The following CAMK2D variants were observed in gnomAD, a reference collection of about 807,000 sequenced individuals.
CAMK2D encodes calcium/calmodulin-dependent protein kinase type II subunit delta.
A neutral mutation model predicts 84.0 loss-of-function variants in CAMK2D; 37 were observed. That is an observed-to-expected ratio of 0.44 (90% CI 0.34 to 0.58). The LOEUF (loss-of-function observed/expected upper bound fraction) is 0.58, where lower values mean the gene tolerates loss of function less well. Among genes scored for constraint, CAMK2D ranks in the 20% least tolerant of loss-of-function variants. CAMK2D has a pLI of 0.02. For missense variants in CAMK2D, 448 were observed against 652.5 expected (o/e 0.69, Z 3.41); for synonymous variants, 202 against 212.5 (o/e 0.95, Z 0.43).
chr4:113,665,513 G>A (rs1053220152), intron 2 of CAMK2D, among the ~76,000 whole-genome samples: 1 of 152,098 alleles, frequency 6.6e-6, no homozygotes, highest in Non-Finnish European at 1.5e-5. Flanking sequence ...AACTACATAT[G>A]CTACCTCATC....
At chr4:113,523,401 A>T (rs532351052) in intron 8 of CAMK2D, among the ~76,000 whole-genome samples, 28 of 151,456 alleles carry the variant, frequency 1.8e-4, no homozygotes, top group African/African-American at 6.8e-4. Flanking sequence ...TTTTTTTTTT[A>T]AATTATGCTA....
intron 5 of CAMK2D, 128 bp from the exon 6 acceptor site, chr4:113,547,844 C>A: frequency 2.0e-6 from 1 of 493,292 alleles, no homozygotes; most frequent in South Asian, 3.6e-5. Context: ...CACCTTCAGT[C>A]ATGTAAACAT....
chr4:113,684,153 C>G (rs2154336752), intron 2 of CAMK2D, among the ~76,000 whole-genome samples: 1 of 152,238 alleles, frequency 6.6e-6, no homozygotes, highest in East Asian at 1.9e-4. Context: ...CTGTGGAGTA[C>G]ACAATGGAAC....
intron 5 of CAMK2D, chr4:113,548,726 A>G (rs1480030807): frequency 6.5e-7 from 1 of 1,545,286 alleles, no homozygotes. Context: ...GCTGTATACA[A>G]TGACTGCAAA....
At chr4:113,508,341 G>A in intron 13 of CAMK2D, 1 of 1,093,504 alleles carries the variant, frequency 9.1e-7, no homozygotes, top group Non-Finnish European at 1.4e-6. Flanking sequence ...ATCAAAGCAT[G>A]GAGTATAGAA....
chr4:113,692,693 CATAT>C (rs904029946), intron 2 of CAMK2D, among the ~76,000 whole-genome samples: 2 of 151,786 alleles, frequency 1.3e-5, no homozygotes, highest in African/African-American at 4.8e-5. Flanking sequence ...TACATACATA[CATAT>C]ATTCATACAT....
At chr4:113,708,915 T>A (rs2099474575) in intron 2 of CAMK2D, among the ~76,000 whole-genome samples, 1 of 152,058 alleles carries the variant, frequency 6.6e-6, no homozygotes, top group African/African-American at 2.4e-5. Context: ...AGAGATAAAG[T>A]TTCACCATGT....
In CAMK2D at chr4:113,521,388, C is replaced by T. The variant is rs561594906; in HGVS notation, c.602-3731G>A. On this transcript the variant is annotated intron_variant, in intron 8 of 20. Coordinates refer to ENST00000511664, the MANE Select transcript of CAMK2D (RefSeq NM_001321571.2). The stretch of plus-strand genomic sequence containing the variant: ...ATCTGTTAATATAAACTCTGTGGTC[C>T]TTAATAGTTTTTCTTTGTGGTATGA... Among the ~76,000 whole-genome samples, 10 of 152,226 alleles carry T rather than the reference C, an allele frequency of 6.6e-5. No homozygotes were observed. The South Asian group carries it at 2.1e-3, about 32-fold the overall frequency.
intron 7 of CAMK2D, among the ~76,000 whole-genome samples, chr4:113,535,340 T>C (rs1459215204): frequency 2.6e-5 from 4 of 152,146 alleles, no homozygotes; most frequent in Non-Finnish European, 4.4e-5. Flanking sequence ...GGAACTTGCT[T>C]GCTCCTACAC....
chr4:113,567,522 A>G (rs1050997785), intron 4 of CAMK2D, among the ~76,000 whole-genome samples: 3 of 152,200 alleles, frequency 2.0e-5, no homozygotes, highest in African/African-American at 7.2e-5. Flanking sequence ...GGGAAATCTT[A>G]GATCCCCACA....
At position 113,541,149 on chromosome 4, in the gene CAMK2D, T is replaced by C. The variant is rs114632896; in HGVS notation, c.415-3706A>G. Among the ~76,000 whole-genome samples the C allele has an allele frequency of 7.0e-3, 1,070 of 152,322 alleles. 14 individuals carry two copies. Among genetic ancestry groups the C allele is most frequent in the African/African-American group, 0.025 (1,030 of 41,574 alleles). On this transcript the variant is annotated intron_variant, in intron 6 of 20. Transcript: ENST00000511664. The stretch of plus-strand genomic sequence containing the variant: ...GACTCAAAGTACATAGGCAGGTTGA[T>C]GGAATCACTTTCAGAACTGGAAGAG...
Position 113,519,516 on chromosome 4 carries a change from G to C in CAMK2D, c.602-1859C>G, listed in dbSNP as rs78741376. On this transcript the variant is annotated intron_variant, in intron 8 of 20. Coordinates refer to ENST00000511664, the MANE Select transcript of CAMK2D (RefSeq NM_001321571.2). ...TAAAAAAAACACTTTTAGGCCCAAA[G>C]ACTTAAAAAAAAAACATATTATAGG... Among the ~76,000 whole-genome samples the C allele has an allele frequency of 2.2e-3, 335 of 150,332 alleles. 1 individual carries two copies. Among genetic ancestry groups the C allele is most frequent in the Non-Finnish European group, 3.6e-3 (241 of 67,750 alleles).
At chr4:113,465,203 T>C (rs974326635) in intron 17 of CAMK2D, among the ~76,000 whole-genome samples, 1 of 152,080 alleles carries the variant, frequency 6.6e-6, no homozygotes, top group Non-Finnish European at 1.5e-5. Flanking sequence ...TGACTAATTT[T>C]TAAACTTTTT....
chr4:113,481,777 C>A (rs962539097), intron 16 of CAMK2D, among the ~76,000 whole-genome samples: 30 of 152,166 alleles, frequency 2.0e-4, no homozygotes, highest in Admixed American at 5.2e-4. Context: ...CATGCCCAGT[C>A]TGGAGGGATG....
intron 4 of CAMK2D, among the ~76,000 whole-genome samples, 155 bp downstream of exon 4, chr4:113,608,997 T>C (rs2098988662): frequency 6.6e-6 from 1 of 152,198 alleles, no homozygotes; most frequent in South Asian, 2.1e-4. Flanking sequence ...TGCTGAGTAG[T>C]ATCCTCTTTT....
At chr4:113,666,957 A>G (rs1197558878) in intron 2 of CAMK2D, among the ~76,000 whole-genome samples, 5 of 152,138 alleles carry the variant, frequency 3.3e-5, no homozygotes, top group African/African-American at 1.2e-4. Context: ...TTTTGAGGGC[A>G]GGTTAATTTT....
intron 4 of CAMK2D, among the ~76,000 whole-genome samples, chr4:113,604,319 T>A (rs2098968510): frequency 6.6e-6 from 1 of 152,222 alleles, no homozygotes; most frequent in East Asian, 1.9e-4. Flanking sequence ...TACTTTTCCT[T>A]TTCATAGATT....
Position 113,761,713 on chromosome 4 carries a change from C to T in CAMK2D, c.-645G>A, listed in dbSNP as rs2099641748. 1.1e-6 allele frequency: 1 copy of T among 930,426 alleles called. No individual in the cohort carries two copies. 57.6% of individuals were successfully genotyped at this position (930,426 alleles called of 1,614,324 possible). Reference sequence around the variant, plus strand: ...TCGCGCTGCTCACGAGCCCGCGCGGCTTCAAGACGGCGCGGCGAGAGAAAG... The same window carrying T: ...TCGCGCTGCTCACGAGCCCGCGCGGTTTCAAGACGGCGCGGCGAGAGAAAG... On this transcript the variant is annotated 5_prime_UTR_variant, in exon 1 of 21. Transcript: ENST00000511664.
chr4:113,684,670 A>G (rs958911311), intron 2 of CAMK2D, among the ~76,000 whole-genome samples: 6 of 152,176 alleles, frequency 3.9e-5, no homozygotes, highest in Non-Finnish European at 7.3e-5. Flanking sequence ...TTCTGCCCAG[A>G]AAGTCTCAGT....
Sources: allele counts gnomAD v4.1 joint callset (sites outside exome capture counted in the v4.1 genomes callset), GRCh38; gene constraint gnomAD v4.1.1; transcripts MANE v1.5; gene names NCBI Gene and HGNC (gene_info 2026-07-23, HGNC 2026-07-21).